The following P2RY14 variants were observed in gnomAD, a reference collection of about 807,000 sequenced individuals.
The protein encoded by P2RY14 is P2Y purinoceptor 14.
In P2RY14, 2 loss-of-function variants were observed where a neutral mutation model predicts 0.9. The ratio of observed to expected loss-of-function variants is 2.16; its 90% CI spans 0.88 to 6.79. The LOEUF (loss-of-function observed/expected upper bound fraction) is 6.79. P2RY14 is among the 30% of genes most tolerant of loss of function. The pLI is 0.05. For missense variants in P2RY14, 378 were observed against 400.1 expected, an observed-to-expected ratio of 0.94 and a Z score of 0.47; for synonymous variants, 158 against 147.2, an observed-to-expected ratio of 1.07 and a Z score of -0.53.
intron 1 of P2RY14, among the ~76,000 whole-genome samples, chr3:151,230,279 C>A (rs1308247982): frequency 6.6e-6 from 1 of 152,206 alleles, no homozygotes; most frequent in Admixed American, 6.5e-5. Flanking sequence ...CGGCCGGGAT[C>A]TGTTCTTGAA....
chr3:151,242,446 C>G lies in P2RY14; in HGVS notation c.-132-22804G>C, dbSNP rs1213295100. Among the ~76,000 whole-genome samples, 4 of 152,102 alleles carry G rather than the reference C, an allele frequency of 2.6e-5. No homozygotes were observed. The East Asian group carries it at 7.7e-4, about 29-fold the overall frequency. On this transcript the variant is annotated intron_variant, in intron 1 of 2. Coordinates refer to ENST00000309170, the MANE Select transcript of P2RY14 (RefSeq NM_014879.4). ...AGATCTGAGAACCGGCAGACTGCCT[C>G]CTCAAGTGGGTCCCTGACCCCTGAG...
intron 1 of P2RY14, among the ~76,000 whole-genome samples, chr3:151,242,772 C>T (rs1403064075): frequency 1.3e-5 from 2 of 152,192 alleles, no homozygotes; most frequent in Non-Finnish European, 2.9e-5. Context: ...TGGAGAATGA[C>T]TTTGACGAGC....
intron 1 of P2RY14, among the ~76,000 whole-genome samples, chr3:151,246,559 G>A (rs1358605336): frequency 6.6e-6 from 1 of 152,108 alleles, no homozygotes; most frequent in Admixed American, 6.5e-5. Context: ...GGGAAAACTG[G>A]CTAGCCATAT....
intron 1 of P2RY14, among the ~76,000 whole-genome samples, chr3:151,221,221 G>T (rs1027072097): frequency 5.9e-5 from 9 of 152,152 alleles, no homozygotes; most frequent in African/African-American, 9.7e-5. Context: ...GAGGTGACTT[G>T]GGTGCTGTTA....
intron 1 of P2RY14, among the ~76,000 whole-genome samples, chr3:151,255,179 T>C (rs1007729751): frequency 6.6e-6 from 1 of 152,140 alleles, no homozygotes; most frequent in Non-Finnish European, 1.5e-5. Context: ...ACCAATTTCA[T>C]GTAAGAAGGA....
At chr3:151,265,406 TTC>T (rs1739648230) in intron 1 of P2RY14, among the ~76,000 whole-genome samples, 1 of 152,214 alleles carries the variant, frequency 6.6e-6, no homozygotes. Flanking sequence ...ACAGACTGAT[TTC>T]TCTTTTTTGA....
chr3:151,259,867 C>T (rs1045137767), intron 1 of P2RY14, among the ~76,000 whole-genome samples: 3 of 152,158 alleles, frequency 2.0e-5, no homozygotes, highest in Admixed American at 6.5e-5. Context: ...TCCTTCATGA[C>T]GTCTCTGACT....
At chr3:151,224,785 A>G (rs987099237) in intron 1 of P2RY14, among the ~76,000 whole-genome samples, 2 of 152,000 alleles carry the variant, frequency 1.3e-5, no homozygotes, top group Non-Finnish European at 2.9e-5. Flanking sequence ...CAGTTATCCT[A>G]TTTCCTGACC....
intron 1 of P2RY14, among the ~76,000 whole-genome samples, chr3:151,257,841 T>C (rs111908158): frequency 9.9e-5 from 15 of 152,270 alleles, no homozygotes; most frequent in African/African-American, 3.4e-4. Context: ...TAGATGAGAG[T>C]CACACAAATT....
At chr3:151,246,059 A>G (rs1296112099) in intron 1 of P2RY14, among the ~76,000 whole-genome samples, 1 of 151,812 alleles carries the variant, frequency 6.6e-6, no homozygotes, top group Non-Finnish European at 1.5e-5. Flanking sequence ...AATCCAACTT[A>G]CAAGGGATGT....
chr3:151,267,579 T>G (rs1401575019), intron 1 of P2RY14, among the ~76,000 whole-genome samples: 1 of 152,156 alleles, frequency 6.6e-6, no homozygotes, highest in Non-Finnish European at 1.5e-5. Flanking sequence ...TCCTATGAAT[T>G]TAAAACATTT....
rs1741003117 is a variant in P2RY14, at chr3:151,271,817, GTAGAACTAAGC to G, written c.-133+6459_-133+6469del. Among the ~76,000 whole-genome samples, 10 of 152,262 alleles carry G rather than the reference GTAGAACTAAGC, an allele frequency of 6.6e-5. No individual in the cohort carries two copies. In the South Asian group the frequency reaches 2.1e-3, roughly 32 times the overall value. On this transcript the variant is annotated intron_variant, in intron 1 of 2. Coordinates refer to ENST00000309170, the MANE Select transcript of P2RY14 (RefSeq NM_014879.4). Reference sequence around the variant, plus strand: ...CCATTTCAGTGTAGTTCTAATACTGGTAGAACTAAGCTCTAATGAGAGAAATTAGGAATGTA... The same window carrying G: ...CCATTTCAGTGTAGTTCTAATACTGGTCTAATGAGAGAAATTAGGAATGTA...
chr3:151,277,053 C>T (rs751337639), intron 1 of P2RY14, among the ~76,000 whole-genome samples: 11 of 151,990 alleles, frequency 7.2e-5, no homozygotes, highest in Non-Finnish European at 1.0e-4. Context: ...TGCACCACTA[C>T]CACCCAGCTA....
intron 1 of P2RY14, among the ~76,000 whole-genome samples, chr3:151,231,349 A>G (rs1046303865): frequency 6.6e-6 from 1 of 152,216 alleles, no homozygotes; most frequent in Admixed American, 6.5e-5. Flanking sequence ...GTCTGAAAAC[A>G]TACTCCCCCA....
At chr3:151,247,159 T>C (rs926811318) in intron 1 of P2RY14, among the ~76,000 whole-genome samples, 4 of 152,068 alleles carry the variant, frequency 2.6e-5, no homozygotes, top group African/African-American at 4.8e-5. Context: ...TTTTACACTG[T>C]TGGTGGGACT....
chr3:151,254,945 T>G (rs1469728521), intron 1 of P2RY14, among the ~76,000 whole-genome samples: 2 of 152,366 alleles, frequency 1.3e-5, no homozygotes, highest in South Asian at 2.1e-4. Flanking sequence ...ACCAAAAGTC[T>G]GAGTCAGATT....
intron 1 of P2RY14, chr3:151,269,559 T>C: frequency 3.3e-6 from 1 of 301,084 alleles, no homozygotes; most frequent in South Asian, 3.3e-5. Context: ...AAATTTCAAA[T>C]TTTTGGGTAA....
At chr3:151,229,393 G>A (rs1300910412) in intron 1 of P2RY14, among the ~76,000 whole-genome samples, 10 of 141,448 alleles carry the variant, frequency 7.1e-5, no homozygotes, top group South Asian at 2.2e-4. Flanking sequence ...CTGCAACCTC[G>A]CCTCCCGGGT....
At position 151,222,236 on chromosome 3, in the gene P2RY14, A is replaced by G. The variant is rs1456831885; in HGVS notation, c.-132-2594T>C. Among the ~76,000 whole-genome samples, 3 of 152,168 alleles carry G rather than the reference A, an allele frequency of 2.0e-5. No homozygotes were observed. The East Asian group carries it at 5.8e-4, about 29-fold the overall frequency. ...TTTTACAGGCTCATAGGCGGAAGGG[A>G]CTTGCCTTGTCTGGGATGAGACTCT... On this transcript the variant is annotated intron_variant, in intron 1 of 2. Coordinates refer to ENST00000309170, the MANE Select transcript of P2RY14 (RefSeq NM_014879.4).
Sources: allele counts gnomAD v4.1 joint callset (sites outside exome capture counted in the v4.1 genomes callset), GRCh38; gene constraint gnomAD v4.1.1; transcripts MANE v1.5; gene names NCBI Gene and HGNC (gene_info 2026-07-23, HGNC 2026-07-21).